KIAA1328: variants seen among roughly 807,000 people sequenced by gnomAD.
KIAA1328 encodes the protein KIAA1328, also known as protein hinderin.
A neutral mutation model predicts 68.1 loss-of-function variants in KIAA1328; 52 were observed. The observed-to-expected ratio is 0.76, with a 90% CI of 0.61 to 0.96. The LOEUF (loss-of-function observed/expected upper bound fraction) is 0.96, where lower values mean the gene tolerates loss of function less well. Among genes scored for constraint, KIAA1328 ranks in the 40% least tolerant of loss-of-function variants. The pLI, the probability that KIAA1328 is intolerant of heterozygous loss-of-function variation, is 0.00. For missense variants in KIAA1328, 641 were observed against 677.6 expected, an observed-to-expected ratio of 0.95 and a Z score of 0.60; for synonymous variants, 232 against 239.4, an observed-to-expected ratio of 0.97 and a Z score of 0.28.
intron 5 of KIAA1328, among the ~76,000 whole-genome samples, chr18:36,899,699 A>T (rs1047206927): frequency 6.6e-6 from 1 of 151,966 alleles, no homozygotes; most frequent in Non-Finnish European, 1.5e-5. Context: ...GCTAGGAAAG[A>T]ATGAAGTGGA....
chr18:37,124,035 A>G (rs2058333760), intron 7 of KIAA1328, among the ~76,000 whole-genome samples: 1 of 152,196 alleles, frequency 6.6e-6, no homozygotes, highest in Non-Finnish European at 1.5e-5. Context: ...TGCAGTAGAC[A>G]TTAATTCCAA....
chr18:37,059,636 C>T (rs2056066635), intron 6 of KIAA1328, among the ~76,000 whole-genome samples: 1 of 152,148 alleles, frequency 6.6e-6, no homozygotes, highest in Non-Finnish European at 1.5e-5. Context: ...TGTGGCGATT[C>T]CTCAAGGATC....
chr18:37,068,111 G>T (rs2056408912), intron 7 of KIAA1328, among the ~76,000 whole-genome samples: 1 of 152,130 alleles, frequency 6.6e-6, no homozygotes, highest in South Asian at 2.1e-4. Flanking sequence ...GGGTTCCAAA[G>T]ACATTTTAAA....
chr18:36,946,396 A>G (rs962107689), intron 5 of KIAA1328: 1 of 152,186 alleles, frequency 6.6e-6, no homozygotes, highest in African/African-American at 2.4e-5. Context: ...GTTCTTAGAG[A>G]TGATTGATAC....
In KIAA1328 at chr18:37,185,539, A is replaced by T. The variant is rs894997578; in HGVS notation, c.1523+12458A>T. Among the ~76,000 whole-genome samples, 26 of 152,276 alleles carry T rather than the reference A, an allele frequency of 1.7e-4. 1 individual carries two copies. The highest frequency in any genetic ancestry group is 6.0e-4 in the African/African-American group (25 of 41,550). The stretch of plus-strand genomic sequence containing the variant: ...GAAAGAATATTCAGAACTGTGCCTA[A>T]TAGTATCCAAGAATGCCACTGTGTA... On this transcript the variant is annotated intron_variant, in intron 9 of 9. Coordinates refer to ENST00000280020, the MANE Select transcript of KIAA1328 (RefSeq NM_020776.3).
At chr18:37,036,349 G>T (rs933271087) in intron 6 of KIAA1328, among the ~76,000 whole-genome samples, 1 of 152,142 alleles carries the variant, frequency 6.6e-6, no homozygotes, top group Non-Finnish European at 1.5e-5. Flanking sequence ...CTGGACTAAG[G>T]TTTCATTTAA....
rs183736075 is a variant in KIAA1328, at chr18:37,080,558, C to T, written c.1232+13013C>T. On this transcript the variant is annotated intron_variant, in intron 7 of 9. Coordinates refer to ENST00000280020, the MANE Select transcript of KIAA1328 (RefSeq NM_020776.3). ...TTGGGAGGCCGAGGCGGGTGGATCA[C>T]GAGGTCATGAGGTCGACACCATCCT... Among the ~76,000 whole-genome samples the T allele has an allele frequency of 5.4e-3, 823 of 152,050 alleles. 10 individuals carry two copies. Among genetic ancestry groups the T allele is most frequent in the Non-Finnish European group, 6.0e-3 (410 of 67,962 alleles).
Position 36,829,205 on chromosome 18 carries a change from T to TA in KIAA1328, c.58+9_58+10insA. 1 of 1,516,354 alleles carries TA rather than the reference T, an allele frequency of 6.6e-7. No homozygotes were observed. Among genetic ancestry groups the TA allele is most frequent in the Non-Finnish European group, 8.8e-7 (1 of 1,134,134 alleles). The allele number at this position is 1,516,354 out of a possible 1,614,324, so 93.9% of individuals were successfully genotyped here. Reference sequence around the variant, plus strand: ...GTTCTGGAGCCGGGACTGTATCCTTTGCCCGCCTGACAGGGGGCGCCGGCG... The same window carrying TA: ...GTTCTGGAGCCGGGACTGTATCCTTTAGCCCGCCTGACAGGGGGCGCCGGCG... On this transcript the variant is annotated intron_variant, in intron 1 of 9. Coordinates refer to ENST00000280020, the MANE Select transcript of KIAA1328 (RefSeq NM_020776.3).
intron 7 of KIAA1328, 38 bp downstream of exon 7, chr18:37,067,583 C>T (rs773468047): frequency 2.7e-5 from 38 of 1,426,496 alleles, no homozygotes; most frequent in African/African-American, 4.5e-5. Context: ...TTTTTTGAGA[C>T]GAAATCTCGC....
At chr18:36,913,543 T>TACAC (rs34096013) in intron 5 of KIAA1328, among the ~76,000 whole-genome samples, 1,724 of 131,392 alleles carry the variant, frequency 0.013, 46 homozygotes, top group African/African-American at 0.013. Context: ...AGCAACTGCC[T>TACAC]ACACACACAC....
At position 37,034,411 on chromosome 18, in the gene KIAA1328, A is replaced by C. The variant is rs1052136288; in HGVS notation, c.577-32479A>C. On this transcript the variant is annotated intron_variant, in intron 6 of 9. Transcript: ENST00000280020. ...GTAAAGTATTTATTTTGAGAGCCTA[A>C]AATAATAAAATGGAATAAAGAGTTG... is the stretch of plus-strand genomic sequence containing the variant. Among the ~76,000 whole-genome samples the C allele has an allele frequency of 7.2e-5, 11 of 152,176 alleles. 1 individual carries two copies. Among genetic ancestry groups the C allele is most frequent in the Admixed American group, 7.2e-4 (11 of 15,262 alleles).
intron 6 of KIAA1328, among the ~76,000 whole-genome samples, chr18:37,029,929 C>A (rs2054754334): frequency 6.6e-6 from 1 of 152,068 alleles, no homozygotes; most frequent in South Asian, 2.1e-4. Flanking sequence ...TGTCTTCAGT[C>A]AATTTGGTAG....
chr18:37,101,183 T>A (rs527576629), intron 7 of KIAA1328, among the ~76,000 whole-genome samples: 99 of 151,922 alleles, frequency 6.5e-4, no homozygotes, highest in African/African-American at 2.4e-3. Flanking sequence ...CTTTGATGAG[T>A]TGAGAGAAGA....
chr18:37,021,349 T>C lies in KIAA1328; in HGVS notation c.577-45541T>C, dbSNP rs76830780. On this transcript the variant is annotated intron_variant, in intron 6 of 9. Transcript: ENST00000280020. ...ATTCTTTTCAATAAAATGTTATTAA[T>C]AGAACACATTATTCTGTTCGATATT... is the stretch of plus-strand genomic sequence containing the variant. Among the ~76,000 whole-genome samples, 1,202 of 152,354 alleles carry C rather than the reference T, an allele frequency of 7.9e-3. 20 individuals carry two copies. The highest frequency in any genetic ancestry group is 0.027 in the African/African-American group (1,116 of 41,580).
intron 9 of KIAA1328, among the ~76,000 whole-genome samples, chr18:37,177,834 TATTA>T (rs1358254474): frequency 6.6e-6 from 1 of 152,104 alleles, no homozygotes; most frequent in African/African-American, 2.4e-5. Flanking sequence ...AGTTTATTTT[TATTA>T]ATTGACACAT....
intron 5 of KIAA1328, among the ~76,000 whole-genome samples, chr18:36,938,395 G>T (rs571255864): frequency 1.3e-5 from 2 of 152,162 alleles, no homozygotes; most frequent in South Asian, 2.1e-4. Flanking sequence ...CCATCTGTAG[G>T]TCTTCTTTTG....
rs1406122418 is a variant in KIAA1328 at position 37,224,862 on chromosome 18, G to A, written c.*2635G>A. On this transcript the variant is annotated 3_prime_UTR_variant, in exon 10 of 10. Transcript: ENST00000280020. ...TCCTGTGAGAGAAAAACCAATCAAT[G>A]TTTACAAAATGGAAAAGGACACAGC... 7 of 985,290 alleles carry A rather than the reference G, an allele frequency of 7.1e-6. No homozygotes were observed. The highest frequency in any genetic ancestry group is 1.7e-5 in the African/African-American group (1 of 57,198). The allele number at this position is 985,290 out of a possible 1,614,324, so 61.0% of individuals were successfully genotyped here.
intron 7 of KIAA1328, among the ~76,000 whole-genome samples, chr18:37,104,302 G>A (rs1599282140): frequency 6.6e-6 from 1 of 152,254 alleles, no homozygotes; most frequent in African/African-American, 2.4e-5. Context: ...AAGAAAATGT[G>A]CTGTATTTAT....
At chr18:37,177,739 C>T (rs2059622605) in intron 9 of KIAA1328, among the ~76,000 whole-genome samples, 1 of 151,784 alleles carries the variant, frequency 6.6e-6, no homozygotes, top group Non-Finnish European at 1.5e-5. Context: ...TTTTGTGAAG[C>T]TTCTTTTTTC....
Sources: gnomAD v4.1 joint callset for allele counts (sites outside exome capture counted in the v4.1 genomes callset) on GRCh38, gnomAD v4.1.1 for gene constraint, MANE v1.5 for transcripts, NCBI Gene and HGNC (gene_info 2026-07-23, HGNC 2026-07-21) for gene names.